NEGR1: variants seen among roughly 807,000 people sequenced by gnomAD.
NEGR1 encodes the protein neuronal growth regulator 1.
A neutral mutation model predicts 40.9 loss-of-function variants in NEGR1; 10 were observed. The ratio of observed to expected loss-of-function variants is 0.24; its 90% CI spans 0.15 to 0.42. The LOEUF is 0.42. Ranked by LOEUF, NEGR1 falls within the 10% of genes least tolerant of loss-of-function variation. The probability of loss-of-function intolerance (pLI) is 1.00; values close to 1 mark genes in which losing one functional copy is unlikely to be tolerated. For synonymous variants in NEGR1, 185 were observed against 166.8 expected (o/e 1.11, Z -0.84); for missense variants, 352 against 438.9 (o/e 0.80, Z 1.77).
chr1:71,900,230 C>CAACCATAGTAAAGTGTAAT (rs1661106857), intron 2 of NEGR1, among the ~76,000 whole-genome samples: 1 of 152,132 alleles, frequency 6.6e-6, no homozygotes, highest in South Asian at 2.1e-4. Flanking sequence ...TAGGCCAATT[C>CAACCATAGTAAAGTGTAAT]AACCATAGTA....
intron 1 of NEGR1, among the ~76,000 whole-genome samples, chr1:72,052,411 A>G (rs1441274791): frequency 6.6e-6 from 1 of 151,456 alleles, no homozygotes; most frequent in Non-Finnish European, 1.5e-5. Flanking sequence ...ATGAATTTAA[A>G]TGAAGAATCT....
At chr1:71,677,373 A>T (rs1173706782) in intron 4 of NEGR1, among the ~76,000 whole-genome samples, 3 of 152,310 alleles carry the variant, frequency 2.0e-5, no homozygotes, top group Non-Finnish European at 4.4e-5. Context: ...TTTAAATCCA[A>T]TTCATAGCAC....
chr1:71,609,237 C>T (rs928223922), intron 5 of NEGR1, among the ~76,000 whole-genome samples: 20 of 151,804 alleles, frequency 1.3e-4, no homozygotes, highest in African/African-American at 2.2e-4. Flanking sequence ...ACTGTATGGC[C>T]GGGCGCGGTG....
chr1:72,227,176 T>A (rs1326309153), intron 1 of NEGR1, among the ~76,000 whole-genome samples: 1 of 152,000 alleles, frequency 6.6e-6, no homozygotes, highest in Non-Finnish European at 1.5e-5. Context: ...AGTTTCCTCA[T>A]CTCTAAAATG....
chr1:72,245,581 C>T (rs1333674014), intron 1 of NEGR1, among the ~76,000 whole-genome samples: 1 of 152,022 alleles, frequency 6.6e-6, no homozygotes, highest in African/African-American at 2.4e-5. Flanking sequence ...TAAATCACAT[C>T]ATTTCAAACT....
chr1:71,924,065 A>C (rs1037544384), intron 2 of NEGR1, among the ~76,000 whole-genome samples: 1 of 152,060 alleles, frequency 6.6e-6, no homozygotes, highest in African/African-American at 2.4e-5. Context: ...CTATTTAAAA[A>C]AAAATTGTAG....
intron 3 of NEGR1, among the ~76,000 whole-genome samples, chr1:71,762,835 A>G (rs1011518949): frequency 3.3e-5 from 5 of 152,148 alleles, no homozygotes; most frequent in African/African-American, 1.2e-4. Context: ...TGAACTCAGT[A>G]TTCTATTCTA....
chr1:71,811,854 ATTTATTTATTTTAT>A (rs2101763177), intron 2 of NEGR1, among the ~76,000 whole-genome samples: 1 of 136,904 alleles, frequency 7.3e-6, no homozygotes, highest in South Asian at 2.2e-4. Context: ...CCAAAGTTCT[ATTTATTTATTTTAT>A]TTTATTTTAT....
At chr1:72,035,904 A>AT (rs1646897636) in intron 1 of NEGR1, among the ~76,000 whole-genome samples, 1 of 152,176 alleles carries the variant, frequency 6.6e-6, no homozygotes. Flanking sequence ...AGATCATTTC[A>AT]TATTTCCCCT....
intron 4 of NEGR1, among the ~76,000 whole-genome samples, chr1:71,666,314 C>T (rs1402637273): frequency 6.6e-6 from 1 of 152,114 alleles, no homozygotes; most frequent in Non-Finnish European, 1.5e-5. Flanking sequence ...AAACACGGGT[C>T]TCAAACGAAA....
chr1:71,824,277 T>G (rs1356491184), intron 2 of NEGR1, among the ~76,000 whole-genome samples: 2 of 151,728 alleles, frequency 1.3e-5, no homozygotes, highest in African/African-American at 4.8e-5. Flanking sequence ...TCTCAAACAC[T>G]TTTTTTATTG....
At chr1:71,686,886 G>C (rs1483429091) in intron 4 of NEGR1, among the ~76,000 whole-genome samples, 1 of 152,140 alleles carries the variant, frequency 6.6e-6, no homozygotes, top group Non-Finnish European at 1.5e-5. Context: ...GGGAAAAACA[G>C]AAGGGTTTGC....
At chr1:72,177,250 C>T (rs755238570) in intron 1 of NEGR1, among the ~76,000 whole-genome samples, 3 of 151,852 alleles carry the variant, frequency 2.0e-5, no homozygotes, top group Non-Finnish European at 2.9e-5. Context: ...TTTTAGCAAC[C>T]GACAGAGTAA....
chr1:71,674,015 T>C (rs1652526035), intron 4 of NEGR1, among the ~76,000 whole-genome samples: 1 of 152,130 alleles, frequency 6.6e-6, no homozygotes, highest in Non-Finnish European at 1.5e-5. Context: ...ACTGTTGGTA[T>C]TTAACGTGAA....
At chr1:71,480,278 A>G (rs972181938) in intron 6 of NEGR1, among the ~76,000 whole-genome samples, 1 of 151,932 alleles carries the variant, frequency 6.6e-6, no homozygotes, top group Non-Finnish European at 1.5e-5. Context: ...TTTTGGAGAC[A>G]AAGAAACTAA....
chr1:71,985,701 T>C (rs1055570061), intron 1 of NEGR1, among the ~76,000 whole-genome samples: 4 of 152,340 alleles, frequency 2.6e-5, no homozygotes, highest in African/African-American at 9.6e-5. Context: ...ATGGTAACCA[T>C]AGAGTAATGC....
intron 5 of NEGR1, among the ~76,000 whole-genome samples, chr1:71,596,855 A>G (rs1282851256): frequency 6.6e-6 from 1 of 152,196 alleles, no homozygotes; most frequent in African/African-American, 2.4e-5. Context: ...ACAACATTTT[A>G]AATATTAGAA....
At chr1:71,566,882 C>G (rs1420276888) in intron 6 of NEGR1, among the ~76,000 whole-genome samples, 3 of 152,082 alleles carry the variant, frequency 2.0e-5, no homozygotes, top group Non-Finnish European at 4.4e-5. Context: ...AGGGGTGGCA[C>G]CTTCTGGCTG....
At chr1:71,505,322 C>G (rs1235452552) in intron 6 of NEGR1, among the ~76,000 whole-genome samples, 1 of 151,886 alleles carries the variant, frequency 6.6e-6, no homozygotes, top group Non-Finnish European at 1.5e-5. Context: ...GAGTCTCGCT[C>G]TTTCGCCGGA....
Sources: gnomAD v4.1 joint callset for allele counts (sites outside exome capture counted in the v4.1 genomes callset) on GRCh38, gnomAD v4.1.1 for gene constraint, MANE v1.5 for transcripts, NCBI Gene and HGNC (gene_info 2026-07-23, HGNC 2026-07-21) for gene names.